AJAP1: variants seen among roughly 807,000 people sequenced by gnomAD.
AJAP1 encodes adherens junction-associated protein 1.
In AJAP1, 5 loss-of-function variants were observed where a neutral mutation model predicts 35.0. The ratio of observed to expected loss-of-function variants is 0.14; its 90% CI spans 0.07 to 0.30. The LOEUF is 0.30. AJAP1 is among the 10% of genes least tolerant of loss of function. The pLI, the probability that AJAP1 is intolerant of heterozygous loss-of-function variation, is 1.00. For missense variants in AJAP1, 586 were observed against 571.0 expected, an observed-to-expected ratio of 1.03 and a Z score of -0.27; for synonymous variants, 284 against 249.3, an observed-to-expected ratio of 1.14 and a Z score of -1.31.
chr1:4,743,218 T>C (rs1278197608), intron 2 of AJAP1, among the ~76,000 whole-genome samples: 2 of 152,172 alleles, frequency 1.3e-5, no homozygotes, highest in Non-Finnish European at 2.9e-5. Flanking sequence ...TTTGGCTCTT[T>C]CCTGTCACAT....
chr1:4,709,404 G>C (rs1404723125), intron 1 of AJAP1, among the ~76,000 whole-genome samples: 2 of 152,016 alleles, frequency 1.3e-5, no homozygotes. Flanking sequence ...GGAGTGTGGT[G>C]GGGCCTGGTG....
intron 2 of AJAP1, among the ~76,000 whole-genome samples, chr1:4,721,394 A>C (rs2100282803): frequency 6.6e-6 from 1 of 152,332 alleles, no homozygotes; most frequent in Admixed American, 6.5e-5. Context: ...GCCACTGATC[A>C]AAGAAGATTC....
intron 1 of AJAP1, among the ~76,000 whole-genome samples, chr1:4,688,546 G>T (rs1408442026): frequency 6.6e-6 from 1 of 152,052 alleles, no homozygotes; most frequent in African/African-American, 2.4e-5. Flanking sequence ...GCCGAGGCAG[G>T]CGGATCACCT....
chr1:4,684,188 C>T (rs961055857), intron 1 of AJAP1, among the ~76,000 whole-genome samples: 1 of 152,200 alleles, frequency 6.6e-6, no homozygotes, highest in South Asian at 2.1e-4. Context: ...TCTGCATGTG[C>T]AGGGCGGGAA....
intron 2 of AJAP1, among the ~76,000 whole-genome samples, chr1:4,747,313 T>A (rs1331394527): frequency 6.6e-6 from 1 of 152,076 alleles, no homozygotes; most frequent in Non-Finnish European, 1.5e-5. Context: ...TGTTCCCCGC[T>A]CCTCCAAATG....
intron 1 of AJAP1, among the ~76,000 whole-genome samples, chr1:4,702,158 T>C (rs1333608285): frequency 6.6e-6 from 1 of 151,958 alleles, no homozygotes; most frequent in African/African-American, 2.4e-5. Context: ...TCCCCAGTAT[T>C]CTAACATGTC....
At chr1:4,689,569 G>T (rs1205566009) in intron 1 of AJAP1, among the ~76,000 whole-genome samples, 4 of 152,208 alleles carry the variant, frequency 2.6e-5, no homozygotes, top group African/African-American at 9.6e-5. Context: ...CAGGATGGGG[G>T]TGCCTGGATG....
intron 2 of AJAP1, among the ~76,000 whole-genome samples, chr1:4,741,932 T>C (rs1641077319): frequency 1.3e-5 from 2 of 152,244 alleles, no homozygotes; most frequent in Non-Finnish European, 2.9e-5. Context: ...ATTTCTGGTC[T>C]AACTCACATA....
In AJAP1 at chr1:4,783,947, G is replaced by A. The variant is rs573295685; in HGVS notation, c.*1462G>A. The A allele has an allele frequency of 7.9e-5, 12 of 152,294 alleles. No homozygotes were observed. The highest frequency in any genetic ancestry group is 2.4e-4 in the African/African-American group (10 of 41,574). The allele number at this position is 152,294 out of a possible 1,614,324, so 9.4% of individuals were successfully genotyped here. A position where few individuals can be genotyped will look rare whatever the true frequency, so the allele number is the denominator to read the frequency against. ...CCTGTGCTGCATTGCCTTCCCTTGC[G>A]CAGGTGGGCAGGTGTGGCCCGCTTT... is the stretch of plus-strand genomic sequence containing the variant. On this transcript the variant is annotated 3_prime_UTR_variant, in exon 6 of 6. Coordinates refer to ENST00000378191, the MANE Select transcript of AJAP1 (RefSeq NM_018836.4).
At chr1:4,722,146 A>G (rs1406917070) in intron 2 of AJAP1, among the ~76,000 whole-genome samples, 3 of 152,218 alleles carry the variant, frequency 2.0e-5, no homozygotes, top group Admixed American at 2.0e-4. Context: ...AAAAATGCAC[A>G]CAGTCTTCTT....
intron 2 of AJAP1, among the ~76,000 whole-genome samples, chr1:4,719,755 C>T (rs1466062786): frequency 6.6e-6 from 1 of 152,140 alleles, no homozygotes; most frequent in South Asian, 2.1e-4. Flanking sequence ...CTGCAAGGAG[C>T]GGGAACGATG....
At chr1:4,682,716 T>C (rs150192852) in intron 1 of AJAP1, among the ~76,000 whole-genome samples, 3,942 of 148,280 alleles carry the variant, frequency 0.027, 111 homozygotes, top group South Asian at 0.063. Flanking sequence ...GTAATGATGA[T>C]AATGATGATA....
intron 2 of AJAP1, among the ~76,000 whole-genome samples, chr1:4,769,207 T>C (rs926198057): frequency 6.6e-6 from 1 of 152,220 alleles, no homozygotes; most frequent in African/African-American, 2.4e-5. Flanking sequence ...CATCCGCTGC[T>C]GGCCTGAAAC....
At chr1:4,732,245 G>A (rs527891066) in intron 2 of AJAP1, among the ~76,000 whole-genome samples, 1 of 152,378 alleles carries the variant, frequency 6.6e-6, no homozygotes, top group African/African-American at 2.4e-5. Flanking sequence ...GGGAGCAGCT[G>A]GTGCTAGGAC....
intron 1 of AJAP1, among the ~76,000 whole-genome samples, chr1:4,660,070 C>T (rs1469292605): frequency 1.3e-5 from 2 of 152,252 alleles, no homozygotes; most frequent in South Asian, 2.1e-4. Flanking sequence ...GCGGCAGACA[C>T]GGAGCTGTCA....
At chr1:4,774,903 C>A (rs1375634761) in intron 5 of AJAP1, among the ~76,000 whole-genome samples, 1 of 152,156 alleles carries the variant, frequency 6.6e-6, no homozygotes, top group Non-Finnish European at 1.5e-5. Flanking sequence ...AAACAAGCGA[C>A]AATTACAGCT....
chr1:4,770,271 G>T (rs1246127279), intron 3 of AJAP1, among the ~76,000 whole-genome samples: 2 of 152,138 alleles, frequency 1.3e-5, no homozygotes, highest in Non-Finnish European at 2.9e-5. Flanking sequence ...TGTCTCCTCT[G>T]CCCCTTCCCT....
chr1:4,701,962 G>T (rs1362973332), intron 1 of AJAP1, among the ~76,000 whole-genome samples: 1 of 152,168 alleles, frequency 6.6e-6, no homozygotes, highest in Non-Finnish European at 1.5e-5. Context: ...GCCATTCATA[G>T]ATTGCCCAGG....
At chr1:4,724,749 T>G (rs1406342242) in intron 2 of AJAP1, among the ~76,000 whole-genome samples, 1 of 152,228 alleles carries the variant, frequency 6.6e-6, no homozygotes, top group Non-Finnish European at 1.5e-5. Flanking sequence ...TGAACAGTTT[T>G]TTAAAATGCA....
Sources: allele counts gnomAD v4.1 joint callset (sites outside exome capture counted in the v4.1 genomes callset), GRCh38; gene constraint gnomAD v4.1.1; transcripts MANE v1.5; gene names NCBI Gene and HGNC (gene_info 2026-07-23, HGNC 2026-07-21).